Variants in DNAH7 observed in about 807,000 individuals in gnomAD.
DNAH7 encodes dynein axonemal heavy chain 7.
DNAH7 carries 397 observed loss-of-function variants against 444.6 expected under a neutral mutation model. That is an observed-to-expected ratio of 0.89 (90% CI 0.82 to 0.97). The LOEUF (loss-of-function observed/expected upper bound fraction) is 0.97, where lower values mean the gene tolerates loss of function less well. Ranked by LOEUF, DNAH7 falls within the 50% of genes least tolerant of loss-of-function variation. The pLI, the probability that DNAH7 is intolerant of heterozygous loss-of-function variation, is 0.00. For missense variants in DNAH7, 4,902 were observed against 4,800.8 expected (o/e 1.02, Z -0.62); for synonymous variants, 1,636 against 1,624.4 (o/e 1.01, Z -0.17).
intron 24 of DNAH7, among the ~76,000 whole-genome samples, chr2:195,917,135 T>G (rs1687736714): frequency 6.8e-6 from 1 of 146,094 alleles, no homozygotes; most frequent in African/African-American, 2.5e-5. Flanking sequence ...ATTGCATCAC[T>G]GCACTCCAGT....
intron 41 of DNAH7, among the ~76,000 whole-genome samples, chr2:195,862,949 T>C (rs1700108643): frequency 6.6e-6 from 1 of 152,126 alleles, no homozygotes; most frequent in Non-Finnish European, 1.5e-5. Context: ...GGCAGAAGAA[T>C]TGCTTGAACC....
chr2:195,882,326 G>A (rs1321261822), intron 35 of DNAH7, among the ~76,000 whole-genome samples: 2 of 152,168 alleles, frequency 1.3e-5, no homozygotes, highest in African/African-American at 4.8e-5. Context: ...ATAGGCTAAA[G>A]AGTAAAGAAC....
intron 60 of DNAH7, among the ~76,000 whole-genome samples, chr2:195,773,489 A>G (rs1694935832): frequency 6.6e-6 from 1 of 152,144 alleles, no homozygotes; most frequent in African/African-American, 2.4e-5. Context: ...TTAATAACGC[A>G]AACATTCCCC....
intron 19 of DNAH7, among the ~76,000 whole-genome samples, chr2:195,950,986 C>T (rs531126407): frequency 9.4e-5 from 14 of 148,622 alleles, no homozygotes; most frequent in African/African-American, 3.4e-4. Flanking sequence ...AGCTTTTGAA[C>T]TTGTTTGCTC....
intron 19 of DNAH7, among the ~76,000 whole-genome samples, chr2:195,954,674 T>C (rs1373670943): frequency 1.3e-5 from 2 of 152,204 alleles, no homozygotes; most frequent in Non-Finnish European, 2.9e-5. Context: ...TTTCTCCACA[T>C]CCTCTCCAGC....
intron 12 of DNAH7, among the ~76,000 whole-genome samples, chr2:195,992,011 C>A (rs1559311782): frequency 6.6e-6 from 1 of 152,174 alleles, no homozygotes; most frequent in Non-Finnish European, 1.5e-5. Context: ...ATAAATACAG[C>A]ATTACCTTAC....
chr2:195,782,006 CACACACACACAG>C (rs1695406894), intron 58 of DNAH7, among the ~76,000 whole-genome samples: 1 of 151,376 alleles, frequency 6.6e-6, no homozygotes, highest in African/African-American at 2.4e-5. Context: ...CACACACACA[CACACACACACAG>C]ACACACCCCT....
intron 58 of DNAH7, among the ~76,000 whole-genome samples, chr2:195,778,639 A>AT (rs1695203144): frequency 3.9e-5 from 2 of 51,692 alleles, no homozygotes; most frequent in East Asian, 7.2e-4. Context: ...AAAATAAATA[A>AT]ATAAATATAT....
At chr2:195,747,107 C>T (rs1008935502) in intron 63 of DNAH7, among the ~76,000 whole-genome samples, 7 of 151,816 alleles carry the variant, frequency 4.6e-5, no homozygotes, top group African/African-American at 1.5e-4. Flanking sequence ...GCTAGCAAGA[C>T]TAATAAAGAA....
intron 21 of DNAH7, among the ~76,000 whole-genome samples, chr2:195,930,101 T>C (rs1054634599): frequency 2.0e-5 from 3 of 151,608 alleles, no homozygotes. Context: ...TCCCAGAACT[T>C]TGGGAGGTCA....
rs200560819 is a variant in DNAH7, at chr2:195,876,697, A to C, written c.5964T>G (p.Asn1988Lys). Residue 1988 changes from asparagine (N) to lysine (K), a missense_variant and splice_region_variant, in exon 37 of 65, where the codon AAT becomes AAG. Physicochemically the swap from Asn to Lys is moderately conservative, Grantham distance 94. Coordinates refer to ENST00000312428, the MANE Select transcript of DNAH7 (RefSeq NM_018897.3). ...TGTGKSVYIT[N>K]FLLNQLNKEI... Reference sequence around the variant, plus strand: ...CCTTATTTAGTTGATTTAAAAGAAAATTCTATATAACAAAATAATAAAATG... The same window carrying C: ...CCTTATTTAGTTGATTTAAAAGAAACTTCTATATAACAAAATAATAAAATG... The C allele has an allele frequency of 1.3e-6, 2 of 1,553,718 alleles. No homozygotes were observed. The highest frequency in any genetic ancestry group is 4.5e-5 in the East Asian group (2 of 44,378).
intron 22 of DNAH7, among the ~76,000 whole-genome samples, chr2:195,924,019 T>C (rs1321818457): frequency 5.9e-5 from 9 of 152,172 alleles, no homozygotes; most frequent in Non-Finnish European, 1.5e-5. Context: ...ATGTAATTTG[T>C]GTCTACTCAT....
intron 40 of DNAH7, among the ~76,000 whole-genome samples, chr2:195,871,956 A>C (rs1373977548): frequency 2.5e-5 from 2 of 81,198 alleles, no homozygotes; most frequent in Admixed American, 2.1e-4. Flanking sequence ...AAAAAAAAAA[A>C]AAAAAAAAAA....
chr2:195,761,972 A>G (rs758175201), intron 61 of DNAH7, among the ~76,000 whole-genome samples: 48 of 152,320 alleles, frequency 3.2e-4, no homozygotes, highest in Non-Finnish European at 5.9e-4. Flanking sequence ...TATACTACTC[A>G]TATCTTGAGG....
At chr2:195,946,039 GGTCA>G (rs1689780011) in intron 19 of DNAH7, among the ~76,000 whole-genome samples, 1 of 152,060 alleles carries the variant, frequency 6.6e-6, no homozygotes, top group African/African-American at 2.4e-5. Context: ...CTGGAGATCT[GGTCA>G]GTCACCCGGT....
chr2:196,019,557 T>C (rs1258600486), intron 8 of DNAH7, among the ~76,000 whole-genome samples: 1 of 152,178 alleles, frequency 6.6e-6, no homozygotes, highest in Non-Finnish European at 1.5e-5. Context: ...AAATACTTGA[T>C]CTTATTGAAT....
Position 195,787,116 on chromosome 2 carries a change from T to G in DNAH7, c.10772A>C (p.Glu3591Ala). ...GLCFFHALVQ[E>A]RRKFGPLGWN... ...CCCTAGGGGTCCAAATTTCCGTCTT[T>G]CTTGTACCAAAGCATGAAAGAAACA... Residue 3591 changes from glutamate (E) to alanine (A), a missense_variant, in exon 58 of 65, where the codon GAA becomes GCA. By Grantham distance (107) the Glu-to-Ala change is moderately radical (BLOSUM62 -1). Transcript: ENST00000312428. 6.2e-7 allele frequency: 1 copy of G among 1,611,478 alleles called. No homozygotes were observed. Among genetic ancestry groups the G allele is most frequent in the Non-Finnish European group, 8.5e-7 (1 of 1,179,324 alleles).
At chr2:196,050,801 A>G (rs1697418512) in intron 3 of DNAH7, among the ~76,000 whole-genome samples, 1 of 152,218 alleles carries the variant, frequency 6.6e-6, no homozygotes, top group African/African-American at 2.4e-5. Flanking sequence ...ATCTCCTTGA[A>G]GATCATCAAA....
intron 25 of DNAH7, 112 bp downstream of exon 25, chr2:195,909,915 A>T: frequency 9.0e-7 from 1 of 1,109,162 alleles, no homozygotes; most frequent in Non-Finnish European, 1.3e-6. Flanking sequence ...TTCAATTTTT[A>T]CTTTTACTTA....
Sources: gnomAD v4.1 joint callset for allele counts (sites outside exome capture counted in the v4.1 genomes callset) on GRCh38, gnomAD v4.1.1 for gene constraint, MANE v1.5 for transcripts, NCBI Gene and HGNC (gene_info 2026-07-23, HGNC 2026-07-21) for gene names.